AP2B1: variants seen among roughly 807,000 people sequenced by gnomAD.
AP2B1 encodes AP-2 complex subunit beta.
In AP2B1, 23 loss-of-function variants were observed where a neutral mutation model predicts 102.0. That is an observed-to-expected ratio of 0.23 (90% CI 0.16 to 0.32). The LOEUF is 0.32. Among genes scored for constraint, AP2B1 ranks in the 10% least tolerant of loss-of-function variants. The pLI, the probability that AP2B1 is intolerant of heterozygous loss-of-function variation, is 1.00. For synonymous variants in AP2B1, 381 were observed against 421.2 expected, an observed-to-expected ratio of 0.90 and a Z score of 1.17; for missense variants, 541 against 1,157.4, an observed-to-expected ratio of 0.47 and a Z score of 7.73.
intron 21 of AP2B1, among the ~76,000 whole-genome samples, chr17:35,718,557 A>C (rs1555591309): frequency 6.6e-6 from 1 of 152,086 alleles, no homozygotes; most frequent in African/African-American, 2.4e-5. Context: ...TGGAGGGACA[A>C]GTTTTACTAT....
At chr17:35,621,157 A>G (rs2074164917) in intron 5 of AP2B1, 1 of 196,098 alleles carries the variant, frequency 5.1e-6, no homozygotes. Context: ...ACGGAACAAT[A>G]TATATTCATA....
At chr17:35,631,331 A>G (rs558669765) in intron 9 of AP2B1, among the ~76,000 whole-genome samples, 2 of 152,252 alleles carry the variant, frequency 1.3e-5, no homozygotes, top group South Asian at 4.1e-4. Context: ...TATTTTTCCT[A>G]TTAGGAAAAC....
At chr17:35,626,314 A>G (rs1680037600) in intron 6 of AP2B1, among the ~76,000 whole-genome samples, 1 of 152,128 alleles carries the variant, frequency 6.6e-6, no homozygotes, top group African/African-American at 2.4e-5. Flanking sequence ...AAAGAGGACT[A>G]TAAAACAAGA....
intron 11 of AP2B1, among the ~76,000 whole-genome samples, 156 bp downstream of exon 11, chr17:35,639,916 A>AT (rs1567874838): frequency 6.6e-6 from 1 of 151,866 alleles, no homozygotes; most frequent in African/African-American, 2.4e-5. Context: ...AGTTTTACTA[A>AT]TTTTTTGTTT....
intron 3 of AP2B1, among the ~76,000 whole-genome samples, chr17:35,603,256 A>G (rs1010175594): frequency 6.6e-6 from 1 of 151,874 alleles, no homozygotes; most frequent in Admixed American, 6.6e-5. Flanking sequence ...TCTTTCTTCT[A>G]TGCTAGTAGC....
In AP2B1 at chr17:35,636,392, G is replaced by C; in HGVS notation, c.1207G>C (p.Val403Leu). Reference sequence around the variant, plus strand: ...ATTGCTTGATCTAATCCAGACCAAAGTGAATTATGTGGTCCAAGAAGCAAT... The same window carrying C: ...ATTGCTTGATCTAATCCAGACCAAACTGAATTATGTGGTCCAAGAAGCAAT... ...STLLDLIQTK[V>L]NYVVQEAIVV... The change falls in exon 10 of 22, where the codon GTG becomes CTG. Residue 403 changes from valine to leucine, a missense_variant. Physicochemically the swap from Val to Leu is conservative, Grantham distance 32. Around this residue, in one of 10 missense-constraint regions of AP2B1, gnomAD observed 106 missense variants for 296.4 expected, o/e 0.36. Coordinates refer to ENST00000610402, the MANE Select transcript of AP2B1 (RefSeq NM_001030006.2). 1 of 1,614,054 alleles carries C rather than the reference G, an allele frequency of 6.2e-7. No homozygotes were observed. The highest frequency in any genetic ancestry group is 8.5e-7 in the Non-Finnish European group (1 of 1,179,964).
intron 18 of AP2B1, among the ~76,000 whole-genome samples, chr17:35,687,226 C>A (rs587760522): frequency 6.6e-6 from 1 of 152,160 alleles, no homozygotes; most frequent in African/African-American, 2.4e-5. Flanking sequence ...ATCCTCCCAC[C>A]TCAGCCTCCC....
At chr17:35,596,777 G>T in intron 2 of AP2B1, 1 of 580,304 alleles carries the variant, frequency 1.7e-6, no homozygotes, top group South Asian at 1.7e-5. Context: ...CCGCAGCTGC[G>T]CCCCCTAGCG....
chr17:35,612,204 A>G (rs1288111439), intron 5 of AP2B1, among the ~76,000 whole-genome samples: 2 of 152,166 alleles, frequency 1.3e-5, no homozygotes, highest in Non-Finnish European at 2.9e-5. Context: ...GACTTAGCCT[A>G]AAGAGGTGCC....
chr17:35,696,913 GGCACACAGTAGGT>G (rs2076152146), intron 18 of AP2B1, among the ~76,000 whole-genome samples: 1 of 152,174 alleles, frequency 6.6e-6, no homozygotes, highest in Non-Finnish European at 1.5e-5. Context: ...AACGATGTCT[GGCACACAGTAGGT>G]GCTAGATAAA....
intron 17 of AP2B1, among the ~76,000 whole-genome samples, chr17:35,678,578 T>C (rs962729412): frequency 1.3e-5 from 2 of 152,216 alleles, no homozygotes; most frequent in Non-Finnish European, 2.9e-5. Context: ...GGGTATTAAA[T>C]TTTGCCAGAT....
At chr17:35,635,704 T>C (rs887750051) in intron 9 of AP2B1, among the ~76,000 whole-genome samples, 1 of 152,112 alleles carries the variant, frequency 6.6e-6, no homozygotes, top group Admixed American at 6.5e-5. Context: ...TTGTTTGTGT[T>C]TTTTGTTTTG....
At chr17:35,644,777 C>G (rs2074879414) in intron 12 of AP2B1, among the ~76,000 whole-genome samples, 1 of 152,030 alleles carries the variant, frequency 6.6e-6, no homozygotes, top group South Asian at 2.1e-4. Flanking sequence ...CTCACACCTG[C>G]AATTCCAGCA....
intron 14 of AP2B1, among the ~76,000 whole-genome samples, chr17:35,669,758 C>G (rs1598234004): frequency 6.6e-6 from 1 of 152,094 alleles, no homozygotes; most frequent in Non-Finnish European, 1.5e-5. Flanking sequence ...CTTAAAGATG[C>G]AAAATAATTT....
chr17:35,688,192 C>T (rs1444415525), intron 18 of AP2B1, among the ~76,000 whole-genome samples: 1 of 150,478 alleles, frequency 6.6e-6, no homozygotes, highest in Non-Finnish European at 1.5e-5. Flanking sequence ...TTGGTTTACT[C>T]CCTCTTTTGA....
chr17:35,647,184 G>A (rs1026950242), intron 12 of AP2B1, among the ~76,000 whole-genome samples: 1 of 152,104 alleles, frequency 6.6e-6, no homozygotes, highest in East Asian at 1.9e-4. Context: ...AAAATTTAAC[G>A]TTTAAGTTAC....
At position 35,657,461 on chromosome 17, in the gene AP2B1, T is replaced by G. The variant is rs1014965057; in HGVS notation, c.1797-138T>G. Reference sequence around the variant, plus strand: ...TTATCTCTTCATGAACATAAACAAATGGTTATAAAATCAGAGAGTTTTTCC... The same window carrying G: ...TTATCTCTTCATGAACATAAACAAAGGGTTATAAAATCAGAGAGTTTTTCC... On this transcript the variant is annotated intron_variant, in intron 13 of 21. Coordinates refer to ENST00000610402, the MANE Select transcript of AP2B1 (RefSeq NM_001030006.2). 2.4e-5 allele frequency: 14 copies of G among 580,506 alleles called. No individual in the cohort carries two copies. The East Asian group carries it at 4.2e-4, about 18-fold the overall frequency. The allele number at this position is 580,506 out of a possible 1,614,324, so 36.0% of individuals were successfully genotyped here.
intron 14 of AP2B1, among the ~76,000 whole-genome samples, chr17:35,666,698 TC>T (rs1417071899): frequency 1.3e-5 from 2 of 152,282 alleles, no homozygotes; most frequent in Admixed American, 6.5e-5. Context: ...TACCCTGCAC[TC>T]CTATTCCTTT....
At chr17:35,604,626 C>T (rs563269356) in intron 3 of AP2B1, among the ~76,000 whole-genome samples, 207 of 152,102 alleles carry the variant, frequency 1.4e-3, no homozygotes, top group African/African-American at 4.8e-3. Context: ...GGAGTGGTGG[C>T]GCACGCCTGT....
Sources: allele counts gnomAD v4.1 joint callset (sites outside exome capture counted in the v4.1 genomes callset), GRCh38; gene constraint gnomAD v4.1.1; regional missense constraint gnomAD v4.1.1; transcripts MANE v1.5; gene names NCBI Gene and HGNC (gene_info 2026-07-23, HGNC 2026-07-21).